COBL: variants seen among roughly 807,000 people sequenced by gnomAD.
COBL encodes cordon-bleu WH2 repeat protein, also known as protein cordon-bleu.
A neutral mutation model predicts 98.8 loss-of-function variants in COBL; 51 were observed. The observed-to-expected ratio is 0.52, with a 90% CI of 0.41 to 0.65. COBL has a LOEUF of 0.65. Among genes scored for constraint, COBL ranks in the 30% least tolerant of loss-of-function variants. The pLI is 0.00. For synonymous variants in COBL, 634 were observed against 651.7 expected, an observed-to-expected ratio of 0.97 and a Z score of 0.41; for missense variants, 1,617 against 1,617.5, an observed-to-expected ratio of 1.00 and a Z score of 0.01.
intron 6 of COBL, among the ~76,000 whole-genome samples, chr7:51,103,124 G>A (rs1795955039): frequency 6.6e-6 from 1 of 152,186 alleles, no homozygotes; most frequent in Admixed American, 6.5e-5. Context: ...CTTTCAGAAA[G>A]GCTATTAGTT....
intron 7 of COBL, among the ~76,000 whole-genome samples, chr7:51,069,912 G>C (rs1272574058): frequency 6.6e-6 from 1 of 152,130 alleles, no homozygotes; most frequent in Admixed American, 6.5e-5. Flanking sequence ...TTATCAACCA[G>C]GAAACAGTGT....
Position 51,288,325 on chromosome 7 carries a change from T to C in COBL, c.41+28268A>G, listed in dbSNP as rs149277927. Among the ~76,000 whole-genome samples the C allele has an allele frequency of 5.7e-3, 861 of 150,416 alleles. 3 individuals carry two copies. Among genetic ancestry groups the C allele is most frequent in the African/African-American group, 0.02 (830 of 40,806 alleles). On this transcript the variant is annotated intron_variant, in intron 1 of 12. Coordinates refer to ENST00000265136, the MANE Select transcript of COBL (RefSeq NM_015198.5). ...GGCAGGCGCCTGTAGTCCCAGCTAT[T>C]TGGGAGGCTGAAACAAGAGAATTGC...
chr7:51,158,116 G>A lies in COBL; in HGVS notation c.784-21785C>T, dbSNP rs1185467538. On this transcript the variant is annotated intron_variant, in intron 5 of 12. Coordinates refer to ENST00000265136, the MANE Select transcript of COBL (RefSeq NM_015198.5). Reference sequence around the variant, plus strand: ...TGTGTTTCTTAGTCGTTAACAAAAAGACAATGCAGCAAATGTAGCTAAACA... The same window carrying A: ...TGTGTTTCTTAGTCGTTAACAAAAAAACAATGCAGCAAATGTAGCTAAACA... 4.6e-5 allele frequency among the ~76,000 whole-genome samples: 7 copies of A among 152,210 alleles called. No homozygotes were observed. In the South Asian group the frequency reaches 8.3e-4, roughly 18 times the overall value.
intron 1 of COBL, among the ~76,000 whole-genome samples, chr7:51,249,535 T>C (rs1333639201): frequency 6.6e-6 from 1 of 152,242 alleles, no homozygotes; most frequent in Non-Finnish European, 1.5e-5. Context: ...TAATTACATT[T>C]TTATTAACAT....
intron 11 of COBL, 21 bp from the exon 12 acceptor site, chr7:51,025,393 T>C (rs1787450383): frequency 3.7e-6 from 6 of 1,612,648 alleles, no homozygotes; most frequent in Non-Finnish European, 5.1e-6. Context: ...GATGATTAAA[T>C]GACTGCTATA....
intron 1 of COBL, among the ~76,000 whole-genome samples, chr7:51,288,521 G>A (rs1303739762): frequency 6.6e-6 from 1 of 151,954 alleles, no homozygotes; most frequent in Non-Finnish European, 1.5e-5. Flanking sequence ...GTGAGGCCGA[G>A]GCAGGTGGCT....
chr7:51,228,664 G>A (rs1273216751), intron 1 of COBL, among the ~76,000 whole-genome samples: 1 of 152,070 alleles, frequency 6.6e-6, no homozygotes, highest in African/African-American at 2.4e-5. Context: ...AAACTCCAGG[G>A]CCTGTAGATA....
Position 51,184,100 on chromosome 7 carries a change from A to C in COBL, c.783+2T>G. ...AAATCATATGTGTATTTAATCCATTACCTTACTATTGCTTCTTTTATTAAC... is the reference window on the plus strand; with the variant it reads ...AAATCATATGTGTATTTAATCCATTCCCTTACTATTGCTTCTTTTATTAAC... On this transcript the variant is annotated splice_donor_variant, in intron 5 of 12. Transcript: ENST00000265136. LOFTEE classifies it high-confidence loss of function. 7.2e-7 allele frequency: 1 copy of C among 1,393,962 alleles called. No homozygotes were observed. Among genetic ancestry groups the C allele is most frequent in the East Asian group, 2.4e-5 (1 of 42,082 alleles). The allele number at this position is 1,393,962 out of a possible 1,614,324, so 86.3% of individuals were successfully genotyped here. A position where few individuals can be genotyped will look rare whatever the true frequency, so the allele number is the denominator to read the frequency against.
chr7:51,119,420 C>T (rs943340550), intron 6 of COBL, among the ~76,000 whole-genome samples: 3 of 152,184 alleles, frequency 2.0e-5, no homozygotes, highest in Admixed American at 1.3e-4. Flanking sequence ...AAACTCACAG[C>T]TGGCTTGTGA....
At position 51,213,530 on chromosome 7, in the gene COBL, GT is replaced by G. The variant is rs377571868; in HGVS notation, c.245+6210del. On this transcript the variant is annotated intron_variant, in intron 2 of 12. Coordinates refer to ENST00000265136, the MANE Select transcript of COBL (RefSeq NM_015198.5). ...CTTGTGGCCCACTGCACTACAGGCAGTTCGTGCTGACGGGGCCCTACACAAA... is the reference window on the plus strand; with the variant it reads ...CTTGTGGCCCACTGCACTACAGGCAGTCGTGCTGACGGGGCCCTACACAAA... Among the ~76,000 whole-genome samples the G allele has an allele frequency of 1.6e-3, 243 of 152,276 alleles. 1 individual carries two copies. The highest frequency in any genetic ancestry group is 5.7e-3 in the African/African-American group (236 of 41,544).
chr7:51,278,221 A>C (rs1799485518), intron 1 of COBL, among the ~76,000 whole-genome samples: 1 of 152,096 alleles, frequency 6.6e-6, no homozygotes, highest in Non-Finnish European at 1.5e-5. Flanking sequence ...AACAGGGTGA[A>C]TCTAATCTGG....
intron 1 of COBL, among the ~76,000 whole-genome samples, chr7:51,292,916 C>T (rs955518392): frequency 6.6e-6 from 1 of 152,194 alleles, no homozygotes; most frequent in Admixed American, 6.5e-5. Flanking sequence ...TACCCTGGGG[C>T]CAGGATTCCA....
At chr7:51,227,170 T>C (rs942689081) in intron 1 of COBL, among the ~76,000 whole-genome samples, 1 of 152,188 alleles carries the variant, frequency 6.6e-6, no homozygotes, top group African/African-American at 2.4e-5. Flanking sequence ...AGTGAAGGTT[T>C]CCAGCACACA....
chr7:51,255,636 G>C (rs899773283), intron 1 of COBL, among the ~76,000 whole-genome samples: 5 of 152,200 alleles, frequency 3.3e-5, no homozygotes, highest in Admixed American at 2.0e-4. Context: ...GCACGACTAG[G>C]AAAGTTCTCT....
At chr7:51,307,172 C>T (rs1802555118) in intron 1 of COBL, among the ~76,000 whole-genome samples, 1 of 151,954 alleles carries the variant, frequency 6.6e-6, no homozygotes, top group South Asian at 2.1e-4. Flanking sequence ...TGGTGAAACC[C>T]CGGCTCTACT....
chr7:51,260,244 A>C lies in COBL; in HGVS notation c.42-40300T>G, dbSNP rs1376053549. ...ATGGCACTCACTCTATCAAGACCAT[A>C]TACTATTTTTAAAGACCTAAAATAA... On this transcript the variant is annotated intron_variant, in intron 1 of 12. Coordinates refer to ENST00000265136, the MANE Select transcript of COBL (RefSeq NM_015198.5). 5.6e-6 allele frequency: 3 copies of C among 539,680 alleles called. No homozygotes were observed. In the African/African-American group the frequency reaches 5.6e-5, roughly 10 times the overall value. The allele number at this position is 539,680 out of a possible 1,614,324, so 33.4% of individuals were successfully genotyped here.
chr7:51,220,303 A>G (rs1793512936), intron 1 of COBL, among the ~76,000 whole-genome samples: 1 of 152,118 alleles, frequency 6.6e-6, no homozygotes, highest in Non-Finnish European at 1.5e-5. Context: ...AATGATCACA[A>G]TGAATCAGGT....
chr7:51,160,128 G>T (rs1413316772), intron 5 of COBL, among the ~76,000 whole-genome samples: 1 of 152,140 alleles, frequency 6.6e-6, no homozygotes. Flanking sequence ...CTGACCTCAG[G>T]TGATCCACCC....
intron 6 of COBL, among the ~76,000 whole-genome samples, chr7:51,106,200 C>CA (rs61220710): frequency 0.063 from 6,487 of 102,732 alleles, 424 homozygotes; most frequent in African/African-American, 0.13. Context: ...CGAGATGTCT[C>CA]AAAAAAAAAA....
Sources: gnomAD v4.1 joint callset for allele counts (sites outside exome capture counted in the v4.1 genomes callset) on GRCh38, gnomAD v4.1.1 for gene constraint, MANE v1.5 for transcripts, NCBI Gene and HGNC (gene_info 2026-07-23, HGNC 2026-07-21) for gene names.